Variants in MYO1E observed in about 807,000 individuals in gnomAD.
MYO1E encodes the protein unconventional myosin-Ie.
A neutral mutation model predicts 151.1 loss-of-function variants in MYO1E; 68 were observed. The observed-to-expected ratio is 0.45, with a 90% CI of 0.37 to 0.55. The LOEUF is 0.55. Among genes scored for constraint, MYO1E ranks in the 20% least tolerant of loss-of-function variants. The probability of loss-of-function intolerance (pLI) is 0.00; values close to 1 mark genes in which losing one functional copy is unlikely to be tolerated. For missense variants in MYO1E, 1,363 were observed against 1,389.3 expected (o/e 0.98, Z 0.30); for synonymous variants, 601 against 501.7 (o/e 1.20, Z -2.64).
chr15:59,152,367 C>G (rs945359367), intron 26 of MYO1E, among the ~76,000 whole-genome samples: 1 of 152,142 alleles, frequency 6.6e-6, no homozygotes, highest in African/African-American at 2.4e-5. Context: ...CTCCATGGTG[C>G]TGGAGACAGG....
At chr15:59,325,591 A>G (rs1182048631) in intron 1 of MYO1E, among the ~76,000 whole-genome samples, 2 of 152,258 alleles carry the variant, frequency 1.3e-5, no homozygotes, top group African/African-American at 4.8e-5. Context: ...AAATGTATAC[A>G]TGTCCAATCA....
chr15:59,358,804 T>C (rs1157310828), intron 1 of MYO1E, among the ~76,000 whole-genome samples: 8 of 152,194 alleles, frequency 5.3e-5, no homozygotes. Context: ...TAATACACCA[T>C]TATGTTTGAT....
At position 59,298,515 on chromosome 15, in the gene MYO1E, G is replaced by A. The variant is rs554680305; in HGVS notation, c.4-26066C>T. Among the ~76,000 whole-genome samples the A allele has an allele frequency of 1.4e-4, 21 of 152,340 alleles. No individual in the cohort carries two copies. In the South Asian group the frequency reaches 2.5e-3, roughly 18 times the overall value. ...AGACAGCACTGTGGGAAGAGGCATA[G>A]AAGGAAATCAGGTCTGTCCATATGC... On this transcript the variant is annotated intron_variant, in intron 1 of 27. Coordinates refer to ENST00000288235, the MANE Select transcript of MYO1E (RefSeq NM_004998.4).
intron 1 of MYO1E, among the ~76,000 whole-genome samples, chr15:59,274,696 G>A (rs1200239399): frequency 7.2e-5 from 11 of 152,166 alleles, no homozygotes; most frequent in East Asian, 1.9e-4. Context: ...CCTTCCTAGC[G>A]TAACCCAAGT....
At chr15:59,342,288 T>A (rs2080770269) in intron 1 of MYO1E, among the ~76,000 whole-genome samples, 1 of 152,206 alleles carries the variant, frequency 6.6e-6, no homozygotes, top group Non-Finnish European at 1.5e-5. Flanking sequence ...CCTTGTGAGA[T>A]GGAAAGTTTG....
intron 17 of MYO1E, among the ~76,000 whole-genome samples, chr15:59,194,330 T>C (rs1442749281): frequency 6.6e-6 from 1 of 152,206 alleles, no homozygotes; most frequent in Non-Finnish European, 1.5e-5. Flanking sequence ...CAATATTAAA[T>C]AGAACGAACT....
At chr15:59,236,364 ATATATACACACACACACACACACAC>A (rs2080064296) in intron 5 of MYO1E, among the ~76,000 whole-genome samples, 196 bp downstream of exon 5, 14 of 48,530 alleles carry the variant, frequency 2.9e-4, no homozygotes, top group Admixed American at 5.7e-4. Context: ...AAAAAAAAAA[ATATATACACACACACACACACACAC>A]ACACACACAC....
intron 5 of MYO1E, among the ~76,000 whole-genome samples, chr15:59,234,842 A>G (rs1293977917): frequency 3.5e-5 from 5 of 143,604 alleles, no homozygotes; most frequent in Admixed American, 7.1e-5. Context: ...AAAAAAAAAA[A>G]GGGAACCACA....
chr15:59,335,779 G>C (rs1038274793), intron 1 of MYO1E, among the ~76,000 whole-genome samples: 7 of 152,064 alleles, frequency 4.6e-5, no homozygotes, highest in Admixed American at 3.9e-4. Flanking sequence ...GGAGAGACAC[G>C]GACGCATTCA....
intron 7 of MYO1E, among the ~76,000 whole-genome samples, chr15:59,225,062 T>C (rs1431260110): frequency 6.6e-6 from 1 of 152,236 alleles, no homozygotes; most frequent in Non-Finnish European, 1.5e-5. Context: ...TGAAAGGAAC[T>C]GGACTGCCAC....
intron 1 of MYO1E, among the ~76,000 whole-genome samples, chr15:59,358,631 C>T (rs890011519): frequency 6.6e-6 from 1 of 152,150 alleles, no homozygotes; most frequent in East Asian, 1.9e-4. Flanking sequence ...CTATTAAATA[C>T]TAATTTTCTA....
chr15:59,174,315 C>T, intron 19 of MYO1E, 75 bp from the exon 20 acceptor site: 2 of 1,037,980 alleles, frequency 1.9e-6, no homozygotes, highest in South Asian at 2.5e-5. Context: ...CTTGTTATTC[C>T]AGGGACCCTC....
rs1325101497 is a variant in MYO1E at position 59,137,775 on chromosome 15, T to A, written c.3251-319A>T. On this transcript the variant is annotated intron_variant, in intron 27 of 27. Coordinates refer to ENST00000288235, the MANE Select transcript of MYO1E (RefSeq NM_004998.4). ...GTTTCTGGGGACAGCCCCTACCAGG[T>A]CTCATCCTCTCAGGGTACAGCCTTT... is the stretch of plus-strand genomic sequence containing the variant. Among the ~76,000 whole-genome samples, 3 of 152,316 alleles carry A rather than the reference T, an allele frequency of 2.0e-5. No homozygotes were observed. In the East Asian group the frequency reaches 5.8e-4, roughly 29 times the overall value.
intron 14 of MYO1E, chr15:59,208,311 C>T (rs1476455866): frequency 5.3e-6 from 3 of 566,606 alleles, no homozygotes; most frequent in African/African-American, 3.8e-5. Flanking sequence ...TGTAGCAGCA[C>T]TTGCCATGTT....
In MYO1E at chr15:59,151,858, C is replaced by T. The variant is rs140388532; in HGVS notation, c.3080+1732G>A. Among the ~76,000 whole-genome samples, 139 of 151,852 alleles carry T rather than the reference C, an allele frequency of 9.2e-4. 3 individuals carry two copies. Among genetic ancestry groups the T allele is most frequent in the Admixed American group, 1.6e-3 (25 of 15,268 alleles). The stretch of plus-strand genomic sequence containing the variant: ...GTCAGGAGATCAAGACCATCCTGGC[C>T]AACACAGTGAAACTCTTGTCTCTAC... On this transcript the variant is annotated intron_variant, in intron 26 of 27. Coordinates refer to ENST00000288235, the MANE Select transcript of MYO1E (RefSeq NM_004998.4).
At chr15:59,331,305 A>G (rs530667999) in intron 1 of MYO1E, among the ~76,000 whole-genome samples, 1 of 152,350 alleles carries the variant, frequency 6.6e-6, no homozygotes, top group East Asian at 1.9e-4. Context: ...TTATGGACAC[A>G]GTAAGTGACA....
At chr15:59,370,209 G>A (rs1332354652) in intron 1 of MYO1E, among the ~76,000 whole-genome samples, 3 of 152,222 alleles carry the variant, frequency 2.0e-5, no homozygotes, top group Non-Finnish European at 4.4e-5. Flanking sequence ...CAGCTGAAGG[G>A]ATACAACTTG....
At chr15:59,247,027 C>T (rs944484018) in intron 4 of MYO1E, among the ~76,000 whole-genome samples, 2 of 152,100 alleles carry the variant, frequency 1.3e-5, no homozygotes, top group Admixed American at 6.6e-5. Context: ...AAGACCCTGT[C>T]GCTACAAAAA....
intron 1 of MYO1E, among the ~76,000 whole-genome samples, chr15:59,275,048 A>G: frequency 6.6e-6 from 1 of 152,194 alleles, no homozygotes; most frequent in East Asian, 1.9e-4. Context: ...AGGGGTTAAC[A>G]TTCCCATGCC....
Sources: gnomAD v4.1 joint callset for allele counts (sites outside exome capture counted in the v4.1 genomes callset) on GRCh38, gnomAD v4.1.1 for gene constraint, MANE v1.5 for transcripts, NCBI Gene and HGNC (gene_info 2026-07-23, HGNC 2026-07-21) for gene names.